NCKAP5: variants seen among roughly 807,000 people sequenced by gnomAD.
NCKAP5 encodes nck-associated protein 5.
In NCKAP5, 92 loss-of-function variants were observed where a neutral mutation model predicts 167.0. The observed-to-expected ratio is 0.55, with a 90% CI of 0.47 to 0.66. The LOEUF (loss-of-function observed/expected upper bound fraction) is 0.66, where lower values mean the gene tolerates loss of function less well. Ranked by LOEUF, NCKAP5 falls within the 30% of genes least tolerant of loss-of-function variation. The pLI is 0.00. For synonymous variants in NCKAP5, 891 were observed against 877.4 expected (o/e 1.02, Z -0.27); for missense variants, 2,378 against 2,315.0 (o/e 1.03, Z -0.56).
chr2:132,723,807 C>CA (rs1573996475), intron 19 of NCKAP5, among the ~76,000 whole-genome samples: 1 of 152,196 alleles, frequency 6.6e-6, no homozygotes, highest in Non-Finnish European at 1.5e-5. Flanking sequence ...ATGCCTGTAA[C>CA]AGTCTCTTAG....
At chr2:132,919,103 C>G (rs759177610) in intron 8 of NCKAP5, among the ~76,000 whole-genome samples, 2 of 152,172 alleles carry the variant, frequency 1.3e-5, no homozygotes, top group South Asian at 2.1e-4. Context: ...TTCCATCAAC[C>G]TAACTAACAT....
At chr2:132,909,279 G>T (rs907343859) in intron 8 of NCKAP5, among the ~76,000 whole-genome samples, 1 of 152,130 alleles carries the variant, frequency 6.6e-6, no homozygotes, top group Non-Finnish European at 1.5e-5. Flanking sequence ...CTGGGAGGTG[G>T]AGGTTGCTGT....
chr2:133,185,088 T>C (rs2084889655), intron 5 of NCKAP5, among the ~76,000 whole-genome samples: 1 of 152,158 alleles, frequency 6.6e-6, no homozygotes, highest in African/African-American at 2.4e-5. Context: ...ATTTTTATAG[T>C]TTGAATTCAC....
At chr2:132,991,172 G>C (rs2077437755) in intron 7 of NCKAP5, among the ~76,000 whole-genome samples, 1 of 152,126 alleles carries the variant, frequency 6.6e-6, no homozygotes, top group Non-Finnish European at 1.5e-5. Flanking sequence ...TTGCCTCTCT[G>C]AGCCTATGTC....
intron 11 of NCKAP5, among the ~76,000 whole-genome samples, chr2:132,823,372 C>T (rs1350772929): frequency 6.6e-6 from 1 of 152,128 alleles, no homozygotes; most frequent in Non-Finnish European, 1.5e-5. Flanking sequence ...ATCTTATAAG[C>T]CAGAAGGGAT....
intron 4 of NCKAP5, among the ~76,000 whole-genome samples, chr2:133,288,319 G>T (rs956953031): frequency 1.3e-5 from 2 of 152,134 alleles, no homozygotes; most frequent in African/African-American, 4.8e-5. Flanking sequence ...TGACGTCAAA[G>T]AATTTCTATT....
chr2:133,420,295 A>T (rs1689391552), intron 3 of NCKAP5, among the ~76,000 whole-genome samples: 1 of 152,242 alleles, frequency 6.6e-6, no homozygotes, highest in Non-Finnish European at 1.5e-5. Flanking sequence ...TGAAGCACTG[A>T]TGTATACTAC....
intron 13 of NCKAP5, 98 bp downstream of exon 13, chr2:132,789,925 C>T: frequency 8.3e-7 from 1 of 1,202,098 alleles, no homozygotes; most frequent in Non-Finnish European, 1.1e-6. Flanking sequence ...CAAATGGTGG[C>T]TTCCTTCTTA....
Position 133,130,082 on chromosome 2 carries a change from C to T in NCKAP5, c.237G>A (p.Glu79=), listed in dbSNP as rs760004615. The T allele has an allele frequency of 6.2e-7, 1 of 1,611,524 alleles. No individual in the cohort carries two copies. ...CGCTTTGAAGACGTAAGTGTCTCTC[C>T]TCTTCCAGTTCATGTATCAGCTTCT... ...MHEKLIHELE[E]ERHLRLQSEK... The change falls in exon 6 of 20, where the codon GAG becomes GAA. Residue 79 remains glutamate (E), a synonymous_variant. Coordinates refer to ENST00000409261, the MANE Select transcript of NCKAP5 (RefSeq NM_207363.3).
At chr2:133,566,071 C>T (rs893264115) in intron 1 of NCKAP5, among the ~76,000 whole-genome samples, 5 of 152,130 alleles carry the variant, frequency 3.3e-5, no homozygotes, top group Admixed American at 2.0e-4. Context: ...GAAGGCCCCC[C>T]GCCCCTAGGT....
chr2:132,885,458 T>C (rs1006109679), intron 8 of NCKAP5, among the ~76,000 whole-genome samples: 10 of 152,232 alleles, frequency 6.6e-5, no homozygotes, highest in African/African-American at 2.4e-4. Flanking sequence ...CATTCAGCTT[T>C]GTCTTCCACA....
chr2:132,878,598 A>AGGGAG (rs1691482311), intron 9 of NCKAP5, among the ~76,000 whole-genome samples: 2 of 149,868 alleles, frequency 1.3e-5, no homozygotes, highest in Admixed American at 6.7e-5. Flanking sequence ...GGAATTAGGG[A>AGGGAG]GGGAGGGGGG....
At chr2:132,911,097 G>T in intron 8 of NCKAP5, 1 of 214,056 alleles carries the variant, frequency 4.7e-6, no homozygotes, top group Admixed American at 4.3e-5. Context: ...TTTGTTGCTA[G>T]AGAATACTGT....
At chr2:133,592,096 C>G in the NCKAP5 span, among the ~76,000 whole-genome samples, 1 of 151,746 alleles carries the variant, frequency 6.6e-6, no homozygotes, top group African/African-American at 2.4e-5. Flanking sequence ...GGGTATGAAA[C>G]ATTTTTCATT....
chr2:133,277,124 G>A (rs969180587), intron 4 of NCKAP5, among the ~76,000 whole-genome samples: 1 of 152,216 alleles, frequency 6.6e-6, no homozygotes. Context: ...ATTTGATCAG[G>A]AACAAGGCCA....
intron 6 of NCKAP5, among the ~76,000 whole-genome samples, chr2:133,002,407 G>A (rs1256544447): frequency 6.6e-6 from 1 of 152,158 alleles, no homozygotes; most frequent in Non-Finnish European, 1.5e-5. Flanking sequence ...TGTAATAAAA[G>A]TTATGTAAAT....
intron 19 of NCKAP5, among the ~76,000 whole-genome samples, chr2:132,689,232 G>A (rs1323821676): frequency 6.6e-6 from 1 of 152,136 alleles, no homozygotes; most frequent in African/African-American, 2.4e-5. Flanking sequence ...CTGGCTCCAA[G>A]ATAGGAACTG....
intron 4 of NCKAP5, 67 bp from the exon 5 acceptor site, chr2:133,213,846 G>A: frequency 6.7e-7 from 1 of 1,502,648 alleles, no homozygotes. Flanking sequence ...GCATGGCCGT[G>A]AAACATTCTT....
At chr2:133,656,272 CAAA>C in the NCKAP5 span, among the ~76,000 whole-genome samples, 11,915 of 140,430 alleles carry the variant, frequency 0.085, 545 homozygotes, top group African/African-American at 0.12. Flanking sequence ...AACAAACAAA[CAAA>C]AAAAAAAAAA....
Sources: gnomAD v4.1 joint callset for allele counts (sites outside exome capture counted in the v4.1 genomes callset) on GRCh38, gnomAD v4.1.1 for gene constraint, MANE v1.5 for transcripts, NCBI Gene and HGNC (gene_info 2026-07-23, HGNC 2026-07-21) for gene names.